The following EXOC6B variants were observed in gnomAD, a reference collection of about 807,000 sequenced individuals.
EXOC6B encodes the protein SEC15 homolog B.
In EXOC6B, 54 loss-of-function variants were observed where a neutral mutation model predicts 113.5. The ratio of observed to expected loss-of-function variants is 0.48; its 90% CI spans 0.38 to 0.60. The LOEUF is 0.60. Among genes scored for constraint, EXOC6B ranks in the 20% least tolerant of loss-of-function variants. EXOC6B has a pLI of 0.00. For synonymous variants in EXOC6B, 357 were observed against 339.0 expected, an observed-to-expected ratio of 1.05 and a Z score of -0.58; for missense variants, 797 against 977.5, an observed-to-expected ratio of 0.82 and a Z score of 2.46.
At chr2:72,569,347 C>T (rs1455147643) in intron 7 of EXOC6B, among the ~76,000 whole-genome samples, 4 of 151,530 alleles carry the variant, frequency 2.6e-5, no homozygotes, top group Non-Finnish European at 4.4e-5. Flanking sequence ...TTTTTTTTCA[C>T]ATCAGTGTGG....
chr2:72,193,789 G>A (rs1203569454), intron 20 of EXOC6B, among the ~76,000 whole-genome samples: 1 of 152,172 alleles, frequency 6.6e-6, no homozygotes, highest in Non-Finnish European at 1.5e-5. Context: ...GGCCTCATAT[G>A]CTAAGCTAAG....
intron 20 of EXOC6B, among the ~76,000 whole-genome samples, chr2:72,252,169 T>C (rs377032714): frequency 6.6e-6 from 1 of 152,196 alleles, no homozygotes; most frequent in East Asian, 1.9e-4. Flanking sequence ...AAAGGGAAGA[T>C]GGGCATTGGA....
At chr2:72,679,639 GA>G (rs1198502119) in intron 6 of EXOC6B, among the ~76,000 whole-genome samples, 5 of 152,192 alleles carry the variant, frequency 3.3e-5, no homozygotes, top group African/African-American at 4.8e-5. Flanking sequence ...AATGAATTGG[GA>G]GGAGGTAACA....
chr2:72,565,854 G>A (rs537355263), intron 7 of EXOC6B, among the ~76,000 whole-genome samples: 2 of 152,122 alleles, frequency 1.3e-5, no homozygotes, highest in South Asian at 4.1e-4. Context: ...GGGTGGTGGG[G>A]TATAGAAAAT....
intron 1 of EXOC6B, among the ~76,000 whole-genome samples, chr2:72,790,229 A>C (rs1442713498): frequency 6.6e-6 from 1 of 152,222 alleles, no homozygotes; most frequent in Non-Finnish European, 1.5e-5. Context: ...TAATTCTTTA[A>C]ATTTTTAAAT....
At chr2:72,574,814 T>C (rs1704733665) in intron 7 of EXOC6B, among the ~76,000 whole-genome samples, 1 of 152,182 alleles carries the variant, frequency 6.6e-6, no homozygotes, top group Non-Finnish European at 1.5e-5. Flanking sequence ...AAAAACATTT[T>C]AACAGGAAGT....
intron 15 of EXOC6B, among the ~76,000 whole-genome samples, chr2:72,493,330 C>CGT (rs1366799028): frequency 5.8e-5 from 8 of 137,912 alleles, no homozygotes; most frequent in Non-Finnish European, 1.1e-4. Flanking sequence ...CCCCCCCCCC[C>CGT]CCCCGCATTT....
intron 6 of EXOC6B, among the ~76,000 whole-genome samples, chr2:72,659,906 G>C (rs1674883921): frequency 6.6e-6 from 1 of 152,002 alleles, no homozygotes; most frequent in African/African-American, 2.4e-5. Context: ...TGAACCTAAG[G>C]TATTTGTAAT....
intron 6 of EXOC6B, among the ~76,000 whole-genome samples, chr2:72,595,173 A>G (rs1427622300): frequency 6.6e-6 from 1 of 151,706 alleles, no homozygotes; most frequent in Non-Finnish European, 1.5e-5. Context: ...AGGCAGGAGA[A>G]TCACTTGAAC....
At chr2:72,343,556 C>T (rs1353391359) in intron 19 of EXOC6B, among the ~76,000 whole-genome samples, 1 of 152,144 alleles carries the variant, frequency 6.6e-6, no homozygotes, top group African/African-American at 2.4e-5. Context: ...TAGTATACTT[C>T]CATTTCACTT....
intron 11 of EXOC6B, among the ~76,000 whole-genome samples, chr2:72,501,585 A>G (rs1700321358): frequency 6.6e-6 from 1 of 151,998 alleles, no homozygotes; most frequent in Admixed American, 6.5e-5. Flanking sequence ...CCACTTTTCG[A>G]TATGCTTTTT....
chr2:72,326,171 A>G (rs1688116149), intron 20 of EXOC6B, among the ~76,000 whole-genome samples: 1 of 152,150 alleles, frequency 6.6e-6, no homozygotes, highest in Non-Finnish European at 1.5e-5. Flanking sequence ...AGCAGTTTTC[A>G]TTCAACCAGT....
intron 2 of EXOC6B, among the ~76,000 whole-genome samples, chr2:72,736,668 C>T (rs17008371): frequency 0.21 from 32,132 of 152,042 alleles, 5,640 homozygotes; most frequent in African/African-American, 0.48. Context: ...TACCAACCAA[C>T]AAGTGATATC....
intron 20 of EXOC6B, among the ~76,000 whole-genome samples, chr2:72,241,155 G>A (rs138715746): frequency 4.6e-5 from 7 of 152,248 alleles, no homozygotes; most frequent in African/African-American, 1.2e-4. Context: ...CATGGGTAAC[G>A]TAAGAAGAAA....
At chr2:72,535,870 C>CA (rs35608008) in intron 8 of EXOC6B, among the ~76,000 whole-genome samples, 1,630 of 131,486 alleles carry the variant, frequency 0.012, 27 homozygotes, top group African/African-American at 0.04. Flanking sequence ...AATTCTGTCT[C>CA]AAAAAAAAAA....
intron 19 of EXOC6B, among the ~76,000 whole-genome samples, chr2:72,350,728 C>G (rs770368568): frequency 1.3e-5 from 2 of 152,242 alleles, no homozygotes; most frequent in East Asian, 3.9e-4. Flanking sequence ...CATTTGAACT[C>G]TTAGGTACTG....
intron 1 of EXOC6B, among the ~76,000 whole-genome samples, chr2:72,776,415 G>A (rs1282781734): frequency 1.3e-5 from 2 of 152,046 alleles, no homozygotes; most frequent in South Asian, 2.1e-4. Flanking sequence ...TCAGGAATTC[G>A]AGACTAGCCT....
chr2:72,403,147 A>G (rs1693461121), intron 18 of EXOC6B, among the ~76,000 whole-genome samples: 1 of 152,232 alleles, frequency 6.6e-6, no homozygotes, highest in South Asian at 2.1e-4. Flanking sequence ...TATTGCACTT[A>G]GCATGCACAT....
chr2:72,785,114 A>T (rs1684293637), intron 1 of EXOC6B, among the ~76,000 whole-genome samples: 1 of 152,234 alleles, frequency 6.6e-6, no homozygotes, highest in Admixed American at 6.5e-5. Flanking sequence ...CTCCAAAATT[A>T]TCTCCTTTGA....
Sources: allele counts gnomAD v4.1 joint callset (sites outside exome capture counted in the v4.1 genomes callset), GRCh38; gene constraint gnomAD v4.1.1; transcripts MANE v1.5; gene names NCBI Gene and HGNC (gene_info 2026-07-23, HGNC 2026-07-21).